The following ACYP2 variants were observed in gnomAD, a reference collection of about 807,000 sequenced individuals.
ACYP2 encodes the protein acylphosphatase 2, also known as acylphosphatase-2.
A neutral mutation model predicts 11.2 loss-of-function variants in ACYP2; 12 were observed. The ratio of observed to expected loss-of-function variants is 1.08; its 90% CI spans 0.69 to 1.74. The LOEUF is 1.74. Ranked by LOEUF, ACYP2 falls within the 40% of genes most tolerant of loss-of-function variation. The probability of loss-of-function intolerance (pLI) is 0.00; values close to 1 mark genes in which losing one functional copy is unlikely to be tolerated. For synonymous variants in ACYP2, 43 were observed against 32.2 expected, an observed-to-expected ratio of 1.33 and a Z score of -1.13; for missense variants, 134 against 101.9, an observed-to-expected ratio of 1.31 and a Z score of -1.35.
At chr2:54,152,603 C>T (rs1682231914) in intron 6 of ACYP2, among the ~76,000 whole-genome samples, 1 of 152,130 alleles carries the variant, frequency 6.6e-6, no homozygotes, top group Non-Finnish European at 1.5e-5. Context: ...TTACTGTCTC[C>T]CTAGTTTTGC....
intron 2 of ACYP2, among the ~76,000 whole-genome samples, chr2:53,982,724 G>A (rs1671828311): frequency 6.6e-6 from 1 of 152,154 alleles, no homozygotes; most frequent in African/African-American, 2.4e-5. Flanking sequence ...GTCTTAGCAT[G>A]AGACTTCTGT....
chr2:54,015,972 A>G (rs1207004843), intron 2 of ACYP2, among the ~76,000 whole-genome samples: 1 of 151,928 alleles, frequency 6.6e-6, no homozygotes, highest in African/African-American at 2.4e-5. Context: ...GCTAACTAGA[A>G]TTTTAAATGT....
intron 6 of ACYP2, among the ~76,000 whole-genome samples, chr2:54,235,842 A>G (rs1686453938): frequency 6.6e-6 from 1 of 152,188 alleles, no homozygotes; most frequent in Admixed American, 6.5e-5. Flanking sequence ...CTCAAAACCA[A>G]CCAACCAACA....
chr2:54,156,368 A>G (rs1340965145), intron 6 of ACYP2, among the ~76,000 whole-genome samples: 1 of 152,128 alleles, frequency 6.6e-6, no homozygotes, highest in African/African-American at 2.4e-5. Context: ...CCTATCACCT[A>G]GGTATTAAGC....
At chr2:54,049,638 C>G (rs1176490362) in intron 2 of ACYP2, among the ~76,000 whole-genome samples, 1 of 152,116 alleles carries the variant, frequency 6.6e-6, no homozygotes, top group African/African-American at 2.4e-5. Context: ...AACAGCAGTC[C>G]TTGCCCCTCT....
intron 6 of ACYP2, among the ~76,000 whole-genome samples, chr2:54,236,068 C>T (rs915061467): frequency 6.6e-6 from 1 of 151,520 alleles, no homozygotes; most frequent in Non-Finnish European, 1.5e-5. Flanking sequence ...TATTTCCTTC[C>T]TTATATTTTC....
At chr2:54,170,771 A>G (rs1334620930) in intron 6 of ACYP2, among the ~76,000 whole-genome samples, 2 of 152,126 alleles carry the variant, frequency 1.3e-5, no homozygotes, top group East Asian at 3.9e-4. Context: ...TATGCTTTAT[A>G]CTTTTGGTCT....
chr2:54,119,525 A>G (rs1267462240), intron 4 of ACYP2, among the ~76,000 whole-genome samples: 1 of 152,264 alleles, frequency 6.6e-6, no homozygotes, highest in Non-Finnish European at 1.5e-5. Context: ...TGATAAAGTC[A>G]TCATTAAAAT....
intron 2 of ACYP2, among the ~76,000 whole-genome samples, chr2:54,021,017 G>A (rs892470349): frequency 3.3e-5 from 5 of 152,290 alleles, no homozygotes; most frequent in Non-Finnish European, 7.4e-5. Context: ...GAGCAATGGC[G>A]AGAGCACATT....
At chr2:54,034,567 A>G (rs775993580) in intron 2 of ACYP2, among the ~76,000 whole-genome samples, 1 of 152,186 alleles carries the variant, frequency 6.6e-6, no homozygotes, top group Non-Finnish European at 1.5e-5. Flanking sequence ...GGTTTGCGTA[A>G]GTGCAGTCTA....
At chr2:54,169,431 G>A (rs747817556) in intron 6 of ACYP2, among the ~76,000 whole-genome samples, 1 of 152,072 alleles carries the variant, frequency 6.6e-6, no homozygotes, top group Non-Finnish European at 1.5e-5. Flanking sequence ...ATCAAAAAAT[G>A]TGATAAACAA....
chr2:54,120,891 G>A lies in ACYP2; in HGVS notation c.278-14562G>A, dbSNP rs568816957. ...ACAGCTTTTGCTTGGGGAGTCCTGA[G>A]GCCTGAGCCTCCAGAAAGTGTTACA... On this transcript the variant is annotated intron_variant, in intron 4 of 6. Transcript: ENST00000607452. 4.6e-5 allele frequency among the ~76,000 whole-genome samples: 7 copies of A among 152,240 alleles called. No homozygotes were observed. In the East Asian group the frequency reaches 1.4e-3, roughly 29 times the overall value.
intron 6 of ACYP2, chr2:54,267,298 A>G: frequency 3.2e-6 from 5 of 1,549,056 alleles, no homozygotes; most frequent in Non-Finnish European, 3.5e-6. Flanking sequence ...CTTAATAGGA[A>G]TTCATCAGCT....
At chr2:53,983,322 A>G (rs924797170) in intron 2 of ACYP2, among the ~76,000 whole-genome samples, 1 of 152,166 alleles carries the variant, frequency 6.6e-6, no homozygotes, top group Non-Finnish European at 1.5e-5. Context: ...CCTGGACAAC[A>G]TGACGAAACC....
At chr2:54,101,977 T>G (rs982129491) in intron 4 of ACYP2, among the ~76,000 whole-genome samples, 1 of 152,224 alleles carries the variant, frequency 6.6e-6, no homozygotes, top group African/African-American at 2.4e-5. Flanking sequence ...CTCTTTGTAT[T>G]ACAGCTCTGT....
intron 6 of ACYP2, among the ~76,000 whole-genome samples, chr2:54,293,384 G>A (rs940448937): frequency 3.9e-5 from 6 of 152,292 alleles, no homozygotes; most frequent in African/African-American, 1.4e-4. Flanking sequence ...CTACTCCTAG[G>A]ACCTTTGATT....
chr2:54,240,286 T>A (rs1406479839), intron 6 of ACYP2, among the ~76,000 whole-genome samples: 1 of 152,192 alleles, frequency 6.6e-6, no homozygotes, highest in African/African-American at 2.4e-5. Context: ...AAGGGAATAA[T>A]GAATAAACTA....
At chr2:54,174,158 C>T (rs1282561656) in intron 6 of ACYP2, among the ~76,000 whole-genome samples, 1 of 152,190 alleles carries the variant, frequency 6.6e-6, no homozygotes, top group Non-Finnish European at 1.5e-5. Flanking sequence ...TTCTTCCTAT[C>T]CATGAGCATG....
intron 6 of ACYP2, among the ~76,000 whole-genome samples, chr2:54,204,525 G>T (rs1384785458): frequency 6.6e-6 from 1 of 152,074 alleles, no homozygotes; most frequent in African/African-American, 2.4e-5. Context: ...GCATATGAAA[G>T]GTCCGATGCC....
Sources: allele counts gnomAD v4.1 joint callset (sites outside exome capture counted in the v4.1 genomes callset), GRCh38; gene constraint gnomAD v4.1.1; transcripts MANE v1.5; gene names NCBI Gene and HGNC (gene_info 2026-07-23, HGNC 2026-07-21).